Variants in CHRM3 observed in about 807,000 individuals in gnomAD.
CHRM3 encodes the protein cholinergic receptor muscarinic 3, also known as muscarinic acetylcholine receptor M3.
A neutral mutation model predicts 41.8 loss-of-function variants in CHRM3; 11 were observed. That is an observed-to-expected ratio of 0.26 (90% CI 0.17 to 0.44). The LOEUF (loss-of-function observed/expected upper bound fraction) is 0.44. Ranked by LOEUF, CHRM3 falls within the 20% of genes least tolerant of loss-of-function variation. CHRM3 has a pLI of 1.00. For missense variants in CHRM3, 571 were observed against 745.4 expected (o/e 0.77, Z 2.72); for synonymous variants, 297 against 301.4 (o/e 0.99, Z 0.15).
intron 6 of CHRM3, among the ~76,000 whole-genome samples, chr1:239,868,137 T>C (rs914280686): frequency 6.6e-6 from 1 of 152,218 alleles, no homozygotes; most frequent in African/African-American, 2.4e-5. Flanking sequence ...TCTGAAGTCA[T>C]TCACAGGAAG....
intron 1 of CHRM3, among the ~76,000 whole-genome samples, chr1:239,433,958 T>G (rs1355937483): frequency 6.6e-6 from 1 of 152,170 alleles, no homozygotes; most frequent in Non-Finnish European, 1.5e-5. Context: ...TAGTGACATA[T>G]TTTCCTCTGG....
At chr1:239,469,321 T>C (rs1459564168) in intron 1 of CHRM3, among the ~76,000 whole-genome samples, 1 of 152,226 alleles carries the variant, frequency 6.6e-6, no homozygotes, top group African/African-American at 2.4e-5. Flanking sequence ...TTAAACCCAT[T>C]CAATTTTAAA....
chr1:239,770,768 CA>C (rs1450051884), intron 5 of CHRM3, among the ~76,000 whole-genome samples: 1 of 152,068 alleles, frequency 6.6e-6, no homozygotes, highest in Non-Finnish European at 1.5e-5. Flanking sequence ...CTGCTTATCT[CA>C]AAATGAAAGT....
At chr1:239,422,352 G>A (rs150888725) in intron 1 of CHRM3, among the ~76,000 whole-genome samples, 1 of 152,198 alleles carries the variant, frequency 6.6e-6, no homozygotes, top group African/African-American at 2.4e-5. Flanking sequence ...GAGTTTCTGG[G>A]ACATCAATAA....
intron 5 of CHRM3, among the ~76,000 whole-genome samples, chr1:239,757,711 G>A (rs1244431431): frequency 6.6e-6 from 1 of 152,000 alleles, no homozygotes; most frequent in Admixed American, 6.6e-5. Flanking sequence ...GTGGCTATGT[G>A]AAGTAGAAGT....
chr1:239,421,045 A>G (rs1405715512), intron 1 of CHRM3, among the ~76,000 whole-genome samples: 1 of 152,190 alleles, frequency 6.6e-6, no homozygotes, highest in Admixed American at 6.5e-5. Flanking sequence ...TTTACTAAGT[A>G]CACGTATTAT....
chr1:239,642,397 G>A (rs1671260664), intron 4 of CHRM3, among the ~76,000 whole-genome samples: 1 of 152,010 alleles, frequency 6.6e-6, no homozygotes, highest in South Asian at 2.1e-4. Context: ...TCACTTTCAG[G>A]TACACCAATC....
At chr1:239,786,735 A>G (rs116466612) in intron 5 of CHRM3, among the ~76,000 whole-genome samples, 86,821 of 151,596 alleles carry the variant, frequency 0.57, 26,597 homozygotes, top group African/African-American at 0.8. Flanking sequence ...ATGCTGCTGA[A>G]GGTGTCATAT....
intron 1 of CHRM3, among the ~76,000 whole-genome samples, chr1:239,397,817 A>C (rs1047843494): frequency 1.3e-5 from 2 of 150,736 alleles, no homozygotes; most frequent in African/African-American, 4.9e-5. Context: ...GTATTTAATA[A>C]AACTACAATT....
At chr1:239,504,537 C>A (rs1668440059) in intron 2 of CHRM3, among the ~76,000 whole-genome samples, 1 of 152,144 alleles carries the variant, frequency 6.6e-6, no homozygotes, top group South Asian at 2.1e-4. Context: ...GTAGAACTCT[C>A]ATTTGATCCA....
Position 239,913,723 on chromosome 1 carries a change from A to G in CHRM3, c.*4499A>G, listed in dbSNP as rs4431831. On this transcript the variant is annotated 3_prime_UTR_variant, in exon 7 of 7. Coordinates refer to ENST00000676153, the MANE Select transcript of CHRM3 (RefSeq NM_001375978.1). ...AAAATGAGAAAAGAAGATCTAGTTC[A>G]TAAAATGACTATACCCCACGTAAGT... is the stretch of plus-strand genomic sequence containing the variant. 0.17 allele frequency: 28,735 copies of G among 167,076 alleles called. 2,642 individuals carry two copies. Among genetic ancestry groups the G allele is most frequent in the East Asian group, 0.38 (1,957 of 5,176 alleles). 10.3% of individuals were successfully genotyped at this position (167,076 alleles called of 1,614,324 possible). A position where few individuals can be genotyped will look rare whatever the true frequency, so the allele number is the denominator to read the frequency against.
At chr1:239,598,220 C>CTAT (rs1216744754) in intron 3 of CHRM3, among the ~76,000 whole-genome samples, 6 of 151,916 alleles carry the variant, frequency 3.9e-5, no homozygotes, top group Non-Finnish European at 7.4e-5. Context: ...TATTGTTCTC[C>CTAT]TATTATTATT....
chr1:239,436,306 C>T (rs557637809), intron 1 of CHRM3, among the ~76,000 whole-genome samples: 5 of 152,200 alleles, frequency 3.3e-5, no homozygotes, highest in East Asian at 1.9e-4. Context: ...GGGATGCAAG[C>T]GATTTGGAAT....
intron 6 of CHRM3, among the ~76,000 whole-genome samples, chr1:239,848,231 G>A (rs1324657937): frequency 6.6e-6 from 1 of 152,050 alleles, no homozygotes; most frequent in Non-Finnish European, 1.5e-5. Flanking sequence ...CTACCCAAAT[G>A]CTTTACAAAA....
intron 3 of CHRM3, among the ~76,000 whole-genome samples, chr1:239,619,162 GCC>G (rs1198125162): frequency 6.6e-6 from 1 of 151,984 alleles, no homozygotes; most frequent in Non-Finnish European, 1.5e-5. Context: ...TGATCCACTG[GCC>G]TCAGCCTCCC....
chr1:239,839,002 A>T (rs1673561555), intron 6 of CHRM3, among the ~76,000 whole-genome samples: 1 of 152,258 alleles, frequency 6.6e-6, no homozygotes, highest in Admixed American at 6.5e-5. Flanking sequence ...GTTTTCTATG[A>T]AGACAGGTAA....
At chr1:239,887,641 ATCTGTTGAGATGT>A (rs1245722658) in intron 6 of CHRM3, among the ~76,000 whole-genome samples, 8 of 152,312 alleles carry the variant, frequency 5.3e-5, no homozygotes, top group African/African-American at 1.9e-4. Flanking sequence ...TTTTATTCGC[ATCTGTTGAGATGT>A]TTTTGAAGAG....
At chr1:239,524,749 C>A (rs953672433) in intron 2 of CHRM3, among the ~76,000 whole-genome samples, 2 of 152,122 alleles carry the variant, frequency 1.3e-5, no homozygotes, top group Non-Finnish European at 2.9e-5. Flanking sequence ...CTTTGAGCTG[C>A]AGCTTTTTTA....
chr1:239,834,033 A>T (rs897814523), intron 6 of CHRM3, among the ~76,000 whole-genome samples: 4 of 152,056 alleles, frequency 2.6e-5, no homozygotes, highest in Admixed American at 2.6e-4. Flanking sequence ...GTTCTCTCCA[A>T]TCCCCGGGAA....
Sources: gnomAD v4.1 joint callset for allele counts (sites outside exome capture counted in the v4.1 genomes callset) on GRCh38, gnomAD v4.1.1 for gene constraint, MANE v1.5 for transcripts, NCBI Gene and HGNC (gene_info 2026-07-23, HGNC 2026-07-21) for gene names.